Variants in SAMD3 observed in about 807,000 individuals in gnomAD.
SAMD3 encodes sterile alpha motif domain-containing protein 3.
In SAMD3, 63 loss-of-function variants were observed where a neutral mutation model predicts 58.5. The ratio of observed to expected loss-of-function variants is 1.08; its 90% CI spans 0.88 to 1.33. The LOEUF (loss-of-function observed/expected upper bound fraction) is 1.33. Among genes scored for constraint, SAMD3 ranks in the 40% most tolerant of loss-of-function variants. SAMD3 has a pLI of 0.00. For synonymous variants in SAMD3, 220 were observed against 210.3 expected, an observed-to-expected ratio of 1.05 and a Z score of -0.40; for missense variants, 604 against 608.4, an observed-to-expected ratio of 0.99 and a Z score of 0.08.
Position 130,352,920 on chromosome 6 carries a change from C to T in SAMD3, c.-304+12200G>A, listed in dbSNP as rs549843797. ...TACCTAATTAATAATTGTTTAAAAC[C>T]AAAATATTGGAAGGAGTTGACACAT... On this transcript the variant is annotated intron_variant, in intron 1 of 13. Coordinates refer to the SAMD3 transcript ENST00000368134. Among the ~76,000 whole-genome samples, 313 of 152,176 alleles carry T rather than the reference C, an allele frequency of 2.1e-3. 1 individual carries two copies. Among genetic ancestry groups the T allele is most frequent in the Non-Finnish European group, 3.7e-3 (251 of 67,982 alleles).
At chr6:130,247,439 C>A (rs913567759) in intron 2 of SAMD3, among the ~76,000 whole-genome samples, 1 of 151,162 alleles carries the variant, frequency 6.6e-6, no homozygotes, top group Non-Finnish European at 1.5e-5. Flanking sequence ...TGCACTGCAG[C>A]CTGGAGGACA....
rs57256888 is a variant in SAMD3, at chr6:130,266,960, C to A, written c.-187-44147G>T. 8.2e-3 allele frequency among the ~76,000 whole-genome samples: 1,244 copies of A among 152,292 alleles called. 17 individuals carry two copies. The highest frequency in any genetic ancestry group is 0.029 in the African/African-American group (1,188 of 41,550). ...CATGCTCAACCAAATCATATTGTTG[C>A]AAGCTGTTTTAGAAATCATCACTAA... On this transcript the variant is annotated intron_variant, in intron 2 of 13. Coordinates refer to the SAMD3 transcript ENST00000368134.
intron 8 of SAMD3, chr6:130,161,172 T>C (rs550443744): frequency 3.9e-5 from 6 of 152,318 alleles, no homozygotes; most frequent in African/African-American, 1.2e-4. Flanking sequence ...GGCAGTGTTC[T>C]AGTTCTAAAG....
rs143979142 is a variant in SAMD3, at chr6:130,198,304, A to G, written c.383+11191T>C. 4.4e-4 allele frequency among the ~76,000 whole-genome samples: 67 copies of G among 152,288 alleles called. No homozygotes were observed. In the East Asian group the frequency reaches 8.9e-3, roughly 20 times the overall value. Reference sequence around the variant, plus strand: ...CTGCAGCCTCAAACTCCTGGGCTCAATGGAAGCCTCCCCCCTTAGCCTCCT... The same window carrying G: ...CTGCAGCCTCAAACTCCTGGGCTCAGTGGAAGCCTCCCCCCTTAGCCTCCT... On this transcript the variant is annotated intron_variant, in intron 5 of 11. Transcript: ENST00000439090.
chr6:130,323,909 TGGC>T (rs1463213615), intron 1 of SAMD3, among the ~76,000 whole-genome samples: 4 of 151,808 alleles, frequency 2.6e-5, no homozygotes, highest in Non-Finnish European at 5.9e-5. Context: ...TTTTAAGTGC[TGGC>T]TATGCAGCAT....
At chr6:130,268,309 T>A (rs1774434212) in intron 2 of SAMD3, among the ~76,000 whole-genome samples, 1 of 152,232 alleles carries the variant, frequency 6.6e-6, no homozygotes, top group Non-Finnish European at 1.5e-5. Context: ...AATCTAAGTG[T>A]TACTACAAAG....
chr6:130,276,495 CA>C (rs2114943591), intron 2 of SAMD3, among the ~76,000 whole-genome samples: 1 of 152,034 alleles, frequency 6.6e-6, no homozygotes, highest in Non-Finnish European at 1.5e-5. Context: ...TCTCTCATAA[CA>C]GATATTAAGC....
chr6:130,347,677 C>T (rs1406324275), intron 1 of SAMD3, among the ~76,000 whole-genome samples: 1 of 152,104 alleles, frequency 6.6e-6, no homozygotes, highest in African/African-American at 2.4e-5. Context: ...AGGAGAACTT[C>T]CCCAATCTAG....
intron 8 of SAMD3, among the ~76,000 whole-genome samples, chr6:130,165,754 A>G (rs1582767443): frequency 6.6e-6 from 1 of 152,222 alleles, no homozygotes; most frequent in South Asian, 2.1e-4. Context: ...TTAAGAAAAG[A>G]AAATGCATGC....
chr6:130,249,279 T>C (rs1390183634), intron 2 of SAMD3, among the ~76,000 whole-genome samples: 1 of 152,224 alleles, frequency 6.6e-6, no homozygotes, highest in Non-Finnish European at 1.5e-5. Flanking sequence ...AGAGTATCTC[T>C]TTTACACCTA....
rs191443975 is a variant in SAMD3 at position 130,151,057 on chromosome 6, A to G, written c.1023+3768T>C. ...TGTGTGAAGTCTCGGCTCTCAGCCA[A>G]GGATCCCCAGGGGATCCGTGTGTAG... On this transcript the variant is annotated intron_variant, in intron 9 of 11. Transcript: ENST00000439090. Among the ~76,000 whole-genome samples, 234 of 152,196 alleles carry G rather than the reference A, an allele frequency of 1.5e-3. 4 individuals carry two copies. The highest frequency in any genetic ancestry group is 0.014 in the Admixed American group (212 of 15,284).
At chr6:130,272,880 A>G (rs965869638) in intron 2 of SAMD3, among the ~76,000 whole-genome samples, 6 of 152,124 alleles carry the variant, frequency 3.9e-5, no homozygotes, top group South Asian at 2.1e-4. Context: ...CTCATTTATC[A>G]TAGATTGGGA....
intron 2 of SAMD3, among the ~76,000 whole-genome samples, chr6:130,274,199 T>G (rs902627877): frequency 5.3e-5 from 8 of 152,200 alleles, no homozygotes; most frequent in Admixed American, 5.2e-4. Context: ...ACCTTGACTA[T>G]ATCCTACCAC....
At chr6:130,229,131 G>A (rs1458465229) in intron 2 of SAMD3, among the ~76,000 whole-genome samples, 1 of 152,202 alleles carries the variant, frequency 6.6e-6, no homozygotes, top group Non-Finnish European at 1.5e-5. Context: ...AAGCAATGCT[G>A]TGCTGTGAGT....
chr6:130,184,362 T>G, intron 6 of SAMD3, 76 bp downstream of exon 6: 1 of 1,406,864 alleles, frequency 7.1e-7, no homozygotes, highest in Non-Finnish European at 9.8e-7. Context: ...TGAAGAGAGT[T>G]GATTCCACAG....
chr6:130,363,650 C>A (rs1242018439), intron 1 of SAMD3, among the ~76,000 whole-genome samples: 1 of 152,092 alleles, frequency 6.6e-6, no homozygotes, highest in African/African-American at 2.4e-5. Context: ...TTTGTTCCTA[C>A]TTAAGGGATG....
At chr6:130,247,326 G>A (rs1024271223) in intron 2 of SAMD3, among the ~76,000 whole-genome samples, 1 of 152,000 alleles carries the variant, frequency 6.6e-6, no homozygotes, top group Non-Finnish European at 1.5e-5. Context: ...AAAACTTAGC[G>A]AAGTATGGTG....
At chr6:130,344,388 C>CT (rs1189222071) in intron 1 of SAMD3, among the ~76,000 whole-genome samples, 1 of 152,078 alleles carries the variant, frequency 6.6e-6, no homozygotes, top group Middle Eastern at 3.4e-3. Context: ...TCCCTGGCTT[C>CT]TTTTTTTACG....
At chr6:130,345,660 T>C (rs1220958042) in intron 1 of SAMD3, among the ~76,000 whole-genome samples, 1 of 151,492 alleles carries the variant, frequency 6.6e-6, no homozygotes, top group African/African-American at 2.4e-5. Flanking sequence ...GGCAGGCCCT[T>C]GGCACCTGTT....
Sources: gnomAD v4.1 joint callset for allele counts (sites outside exome capture counted in the v4.1 genomes callset) on GRCh38, gnomAD v4.1.1 for gene constraint, MANE v1.5 for transcripts, NCBI Gene and HGNC (gene_info 2026-07-23, HGNC 2026-07-21) for gene names.